LRPAP1: variants seen among roughly 807,000 people sequenced by gnomAD.
The protein encoded by LRPAP1 is alpha-2-macroglobulin receptor-associated protein.
Under a neutral mutation model 39.9 loss-of-function variants are expected in LRPAP1, and 41 were observed. The ratio of observed to expected loss-of-function variants is 1.03; its 90% CI spans 0.80 to 1.33. The LOEUF (loss-of-function observed/expected upper bound fraction) is 1.33, where lower values mean the gene tolerates loss of function less well. LRPAP1 is among the 40% of genes most tolerant of loss of function. LRPAP1 has a pLI of 0.00. For missense variants in LRPAP1, 565 were observed against 482.3 expected (o/e 1.17, Z -1.61); for synonymous variants, 263 against 212.7 (o/e 1.24, Z -2.06).
At chr4:3,523,318 G>A (rs890283857) in intron 2 of LRPAP1, among the ~76,000 whole-genome samples, 2 of 152,148 alleles carry the variant, frequency 1.3e-5, no homozygotes, top group East Asian at 1.9e-4. Context: ...CACTAGACAC[G>A]CTGGTGGGGA....
intron 4 of LRPAP1, 95 bp downstream of exon 4, chr4:3,518,776 G>T: frequency 3.6e-6 from 3 of 823,934 alleles, no homozygotes; most frequent in Non-Finnish European, 5.6e-6. Flanking sequence ...GGGAGCTGAG[G>T]CTGCCCACTG....
At chr4:3,526,989 G>C (rs1294893204) in intron 1 of LRPAP1, among the ~76,000 whole-genome samples, 1 of 152,206 alleles carries the variant, frequency 6.6e-6, no homozygotes, top group East Asian at 1.9e-4. Context: ...GCAAACGGTA[G>C]GCACAAAATG....
Position 3,524,981 on chromosome 4 carries a change from G to T in LRPAP1, c.275C>A (p.Ala92Asp). The change falls in exon 2 of 8, where the codon GCC (alanine) becomes GAC (aspartate). Residue 92 changes from alanine (A) to aspartate (D), a missense_variant. By Grantham distance (126) the Ala-to-Asp change is moderately radical (BLOSUM62 -2). Transcript: ENST00000650182. ...GCCGTCAAGCTTTAGTTTCTTCCAG[G>T]CGAGTTCGTCCCTCTCCTGTATCTT... ...DLKIQERDEL[A>D]WKKLKLDGLD... 6 of 1,614,106 alleles carry T rather than the reference G, an allele frequency of 3.7e-6. No individual in the cohort carries two copies. The highest frequency in any genetic ancestry group is 5.1e-6 in the Non-Finnish European group (6 of 1,180,020).
At position 3,506,475 on chromosome 4, in the gene LRPAP1, C is replaced by G. The variant is rs1202040372; in HGVS notation, c.*6499G>C. On this transcript the variant is annotated 3_prime_UTR_variant, in exon 8 of 8. Transcript: ENST00000650182. ...GCAACCTCTGCCTCCCAGGTTCAAG[C>G]CATTCTCCTGCCTCAGCCTCCCAAG... The G allele has an allele frequency of 6.6e-6, 1 of 151,858 alleles. No individual in the cohort carries two copies. The highest frequency in any genetic ancestry group is 2.4e-5 in the African/African-American group (1 of 41,224). The allele number at this position is 151,858 out of a possible 1,614,324, so 9.4% of individuals were successfully genotyped here.
chr4:3,520,721 C>A (rs1318427014), intron 2 of LRPAP1, among the ~76,000 whole-genome samples: 1 of 152,246 alleles, frequency 6.6e-6, no homozygotes, highest in Non-Finnish European at 1.5e-5. Flanking sequence ...GGAGGAAAAA[C>A]AGTTTCTAAA....
rs1729412997 is a variant in LRPAP1, at chr4:3,508,380, C to T, written c.*4594G>A. The stretch of plus-strand genomic sequence containing the variant: ...AGAAAATGGCAGGCATAGATGGCCT[C>T]ACCCATCACATCTCTATGAAACAAA... On this transcript the variant is annotated 3_prime_UTR_variant, in exon 8 of 8. Coordinates refer to ENST00000650182, the MANE Select transcript of LRPAP1 (RefSeq NM_002337.4). The T allele has an allele frequency of 6.6e-6, 1 of 152,218 alleles. No individual in the cohort carries two copies. The highest frequency in any genetic ancestry group is 1.9e-4 in the East Asian group (1 of 5,202). 9.4% of individuals were successfully genotyped at this position (152,218 alleles called of 1,614,324 possible).
intron 1 of LRPAP1, among the ~76,000 whole-genome samples, chr4:3,529,859 T>C (rs956630386): frequency 1.3e-5 from 2 of 152,158 alleles, no homozygotes; most frequent in Non-Finnish European, 2.9e-5. Context: ...TGGCTTTACA[T>C]GCAGAAAACA....
At chr4:3,522,590 T>A (rs74822448) in intron 2 of LRPAP1, among the ~76,000 whole-genome samples, 220 of 16,170 alleles carry the variant, frequency 0.014, 61 homozygotes, top group East Asian at 0.066. Flanking sequence ...CCTGGGGAAG[T>A]CGGACGCCGC....
intron 2 of LRPAP1, among the ~76,000 whole-genome samples, chr4:3,520,953 A>G (rs1189935647): frequency 1.3e-5 from 2 of 152,220 alleles, no homozygotes; most frequent in African/African-American, 4.8e-5. Flanking sequence ...CAGGCGCTCG[A>G]CGCGGGCCCT....
At chr4:3,532,082 G>A (rs1009606025) in intron 1 of LRPAP1, 127 bp downstream of exon 1, 113 of 1,067,240 alleles carry the variant, frequency 1.1e-4, no homozygotes, top group African/African-American at 1.6e-4. Flanking sequence ...GCCAAGGACA[G>A]GGCGCGTAGG....
chr4:3,518,351 C>T lies in LRPAP1; in HGVS notation c.593-159G>A, dbSNP rs1399292068. On this transcript the variant is annotated intron_variant, in intron 4 of 7. Transcript: ENST00000650182. ...GGTCCTGCAGCGCCGCAGAAACGACCGTTGGCACAGCTTCCTTTCCAGGCG... is the reference window on the plus strand; with the variant it reads ...GGTCCTGCAGCGCCGCAGAAACGACTGTTGGCACAGCTTCCTTTCCAGGCG... Among the ~76,000 whole-genome samples the T allele has an allele frequency of 2.0e-5, 3 of 149,792 alleles. No individual in the cohort carries two copies. In the South Asian group the frequency reaches 6.4e-4, roughly 32 times the overall value.
intron 2 of LRPAP1, among the ~76,000 whole-genome samples, chr4:3,522,833 G>C (rs531411203): frequency 1.6e-4 from 24 of 152,262 alleles, no homozygotes; most frequent in Admixed American, 4.6e-4. Context: ...GGGCAGAGTG[G>C]AGCGTGGCCC....
In LRPAP1 at chr4:3,531,567, G is replaced by C. The variant is rs183841758; in HGVS notation, c.204+642C>G. 2.0e-4 allele frequency among the ~76,000 whole-genome samples: 30 copies of C among 152,252 alleles called. No homozygotes were observed. The East Asian group carries it at 4.6e-3, about 24-fold the overall frequency. ...GCACCAATTAGGAAGCTGTTGTCCC[G>C]GGGGGCCCCACCGGCCGAGCCACCT... On this transcript the variant is annotated intron_variant, in intron 1 of 7. Coordinates refer to ENST00000650182, the MANE Select transcript of LRPAP1 (RefSeq NM_002337.4).
intron 5 of LRPAP1, 125 bp from the exon 6 acceptor site, chr4:3,516,323 T>C (rs187080137): frequency 1.6e-6 from 1 of 614,788 alleles, no homozygotes; most frequent in Admixed American, 2.5e-5. Flanking sequence ...TGCATGTGTG[T>C]GAAACACGGG....
intron 2 of LRPAP1, among the ~76,000 whole-genome samples, chr4:3,523,656 GAGT>G (rs554693988): frequency 1.7e-4 from 26 of 152,302 alleles, no homozygotes; most frequent in African/African-American, 6.3e-4. Flanking sequence ...GAGTTTTGAG[GAGT>G]AGGTGTTAGA....
chr4:3,520,262 G>C, intron 2 of LRPAP1, 69 bp from the exon 3 acceptor site: 1 of 1,547,462 alleles, frequency 6.5e-7, no homozygotes, highest in Non-Finnish European at 8.8e-7. Context: ...AACACATCTG[G>C]GTTGCCACGG....
chr4:3,525,090 G>A (rs751534810), intron 1 of LRPAP1, 39 bp from the exon 2 acceptor site: 22 of 1,610,590 alleles, frequency 1.4e-5, no homozygotes, highest in Middle Eastern at 1.6e-4. Context: ...CCACGAGCAG[G>A]ACGGACCAGG....
chr4:3,514,647 G>T, intron 7 of LRPAP1, 105 bp downstream of exon 7: 1 of 1,386,618 alleles, frequency 7.2e-7, no homozygotes. Flanking sequence ...AGACAGCAGC[G>T]TGGGGCCCAC....
chr4:3,503,683 G>C lies in LRPAP1; in HGVS notation c.*9291C>G, dbSNP rs1729267417. 6.6e-6 allele frequency: 1 copy of C among 152,234 alleles called. No individual in the cohort carries two copies. The highest frequency in any genetic ancestry group is 6.5e-5 in the Admixed American group (1 of 15,288). The allele number at this position is 152,234 out of a possible 1,614,324, so 9.4% of individuals were successfully genotyped here. A position where few individuals can be genotyped will look rare whatever the true frequency, so the allele number is the denominator to read the frequency against. ...TACACATCAAAACTTAGGGAAATGT[G>C]GTTAGTGTGGTACGTTGAGGGAAAC... On this transcript the variant is annotated 3_prime_UTR_variant, in exon 8 of 8. Coordinates refer to ENST00000650182, the MANE Select transcript of LRPAP1 (RefSeq NM_002337.4).
Sources: allele counts gnomAD v4.1 joint callset (sites outside exome capture counted in the v4.1 genomes callset), GRCh38; gene constraint gnomAD v4.1.1; transcripts MANE v1.5; gene names NCBI Gene and HGNC (gene_info 2026-07-23, HGNC 2026-07-21).